GOLIM4: variants seen among roughly 807,000 people sequenced by gnomAD.
The protein encoded by GOLIM4 is golgi integral membrane protein 4, also known as 130 kDa golgi-localized phosphoprotein.
GOLIM4 carries 71 observed loss-of-function variants against 107.4 expected under a neutral mutation model. The observed-to-expected ratio is 0.66, with a 90% confidence interval of 0.55 to 0.81. GOLIM4 has a LOEUF of 0.81. GOLIM4 is among the 30% of genes least tolerant of loss of function. GOLIM4 has a pLI of 0.00. For synonymous variants in GOLIM4, 327 were observed against 294.8 expected (o/e 1.11, Z -1.12); for missense variants, 830 against 826.1 (o/e 1.00, Z -0.06).
chr3:168,011,003 T>C (rs1335951830), intron 14 of GOLIM4, among the ~76,000 whole-genome samples, 180 bp from the exon 15 acceptor site: 1 of 152,198 alleles, frequency 6.6e-6, no homozygotes, highest in African/African-American at 2.4e-5. Context: ...ATGTCAAGGA[T>C]TTATCTACTA....
intron 6 of GOLIM4, 67 bp from the exon 7 acceptor site, chr3:168,040,936 G>T: frequency 1.0e-6 from 1 of 976,944 alleles, no homozygotes; most frequent in Non-Finnish European, 1.6e-6. Flanking sequence ...TTGGCTGATC[G>T]TGATATGGCT....
At chr3:168,063,819 C>G (rs1008984164) in intron 1 of GOLIM4, among the ~76,000 whole-genome samples, 3 of 152,004 alleles carry the variant, frequency 2.0e-5, no homozygotes, top group Non-Finnish European at 4.4e-5. Flanking sequence ...ACCACCATGG[C>G]ACACGTTTAC....
intron 14 of GOLIM4, among the ~76,000 whole-genome samples, chr3:168,018,283 C>T (rs1717488200): frequency 6.6e-6 from 1 of 152,036 alleles, no homozygotes; most frequent in South Asian, 2.1e-4. Flanking sequence ...TCAGAAGAAA[C>T]AAATTACGTG....
At chr3:168,085,440 G>C (rs527258749) in intron 1 of GOLIM4, among the ~76,000 whole-genome samples, 52 of 152,294 alleles carry the variant, frequency 3.4e-4, no homozygotes, top group African/African-American at 1.1e-3. Flanking sequence ...TTATCTCCAA[G>C]AGATATATGA....
chr3:168,029,992 A>G lies in GOLIM4; in HGVS notation c.1221T>C (p.Tyr407=). 1 of 1,614,034 alleles carries G rather than the reference A, an allele frequency of 6.2e-7. No individual in the cohort carries two copies. Among genetic ancestry groups the G allele is most frequent in the South Asian group, 1.1e-5 (1 of 91,076 alleles). ...AKPMIKFQSP[Y]EEQLEQQRLA... ...GTCTCTGCTGTTCCAACTGTTCCTC[A>G]TAGGGTGATTGGAATTTGATCATTG... The change falls in exon 10 of 16, where the codon TAT becomes TAC. Residue 407 remains tyrosine (Y), a synonymous_variant. Coordinates refer to ENST00000470487, the MANE Select transcript of GOLIM4 (RefSeq NM_014498.5).
chr3:168,048,113 T>C (rs940232195), intron 2 of GOLIM4, among the ~76,000 whole-genome samples, 178 bp downstream of exon 2: 2 of 152,214 alleles, frequency 1.3e-5, no homozygotes, highest in Non-Finnish European at 2.9e-5. Context: ...TCCAATCTTG[T>C]ATAGGGATTA....
At chr3:168,033,448 A>C (rs1017162230) in intron 8 of GOLIM4, among the ~76,000 whole-genome samples, 1 of 146,112 alleles carries the variant, frequency 6.8e-6, no homozygotes, top group African/African-American at 2.6e-5. Flanking sequence ...TACTAAAAAA[A>C]CACAAAAAAT....
intron 14 of GOLIM4, among the ~76,000 whole-genome samples, chr3:168,016,426 G>A (rs540861216): frequency 0.047 from 5,880 of 125,954 alleles, 392 homozygotes; most frequent in Non-Finnish European, 0.057. Context: ...AAATAGGAAC[G>A]CTTTTACACT....
At chr3:168,016,284 T>G (rs1460288613) in intron 14 of GOLIM4, among the ~76,000 whole-genome samples, 3 of 134,502 alleles carry the variant, frequency 2.2e-5, no homozygotes, top group African/African-American at 1.2e-4. Flanking sequence ...AAAAAACACA[T>G]GAAAAAATGC....
intron 1 of GOLIM4, among the ~76,000 whole-genome samples, chr3:168,083,412 T>C (rs1401581241): frequency 6.6e-6 from 1 of 152,184 alleles, no homozygotes; most frequent in Admixed American, 6.5e-5. Flanking sequence ...TTTTGAAACT[T>C]CCCAAGGACA....
intron 1 of GOLIM4, among the ~76,000 whole-genome samples, chr3:168,066,022 A>G (rs970903686): frequency 6.6e-6 from 1 of 152,182 alleles, no homozygotes; most frequent in South Asian, 2.1e-4. Flanking sequence ...ATAAATGTTT[A>G]AGATCTTAGA....
chr3:168,072,445 C>T (rs1720881671), intron 1 of GOLIM4, among the ~76,000 whole-genome samples: 1 of 149,262 alleles, frequency 6.7e-6, no homozygotes, highest in Admixed American at 6.7e-5. Context: ...TAAAACTTGG[C>T]AGAGCTATGA....
chr3:168,037,961 G>A (rs62273301), intron 7 of GOLIM4, among the ~76,000 whole-genome samples: 24,551 of 152,154 alleles, frequency 0.16, 2,293 homozygotes, highest in Middle Eastern at 0.23. Flanking sequence ...GGCCAGCTCC[G>A]CAGTGTGTGG....
intron 14 of GOLIM4, among the ~76,000 whole-genome samples, chr3:168,022,291 G>T (rs1717740948): frequency 6.6e-6 from 1 of 151,632 alleles, no homozygotes; most frequent in Non-Finnish European, 1.5e-5. Flanking sequence ...CATTCTAGTG[G>T]TTAGCTGGGG....
chr3:168,016,585 A>G (rs1416765319), intron 14 of GOLIM4, among the ~76,000 whole-genome samples: 1 of 133,100 alleles, frequency 7.5e-6, no homozygotes, highest in Non-Finnish European at 1.5e-5. Context: ...ATAAAGACAC[A>G]TGCACATGTA....
intron 9 of GOLIM4, among the ~76,000 whole-genome samples, chr3:168,031,771 T>C (rs1718350095): frequency 6.6e-6 from 1 of 152,118 alleles, no homozygotes; most frequent in East Asian, 1.9e-4. Flanking sequence ...AACTTCAGAG[T>C]TATAAATAGA....
At chr3:168,033,181 C>T (rs1718434960) in intron 8 of GOLIM4, among the ~76,000 whole-genome samples, 1 of 152,162 alleles carries the variant, frequency 6.6e-6, no homozygotes, top group African/African-American at 2.4e-5. Context: ...CCTCAAACTT[C>T]AAGTGATGAA....
intron 1 of GOLIM4, among the ~76,000 whole-genome samples, chr3:168,054,584 C>T (rs555413979): frequency 5.3e-5 from 8 of 152,138 alleles, no homozygotes; most frequent in African/African-American, 1.9e-4. Context: ...TAGTGCTGAT[C>T]ATCATGCTTT....
chr3:168,055,422 C>T (rs1029293662), intron 1 of GOLIM4, among the ~76,000 whole-genome samples: 1 of 152,130 alleles, frequency 6.6e-6, no homozygotes, highest in Non-Finnish European at 1.5e-5. Context: ...TTGCTTCTGA[C>T]CTAGAGATCT....
Sources: allele counts gnomAD v4.1 joint callset (sites outside exome capture counted in the v4.1 genomes callset), GRCh38; gene constraint gnomAD v4.1.1; transcripts MANE v1.5; gene names NCBI Gene and HGNC (gene_info 2026-07-23, HGNC 2026-07-21).